The following AAGAB variants were observed in gnomAD, a reference collection of about 807,000 sequenced individuals.
AAGAB encodes alpha- and gamma-adaptin-binding protein p34.
Under a neutral mutation model 44.1 loss-of-function variants are expected in AAGAB, and 38 were observed. That is an observed-to-expected ratio of 0.86 (90% CI 0.67 to 1.13). AAGAB has a LOEUF of 1.13. Ranked by LOEUF, AAGAB falls within the 50% of genes most tolerant of loss-of-function variation. AAGAB has a pLI of 0.00. For synonymous variants in AAGAB, 131 were observed against 131.8 expected, an observed-to-expected ratio of 0.99 and a Z score of 0.04; for missense variants, 450 against 373.8, an observed-to-expected ratio of 1.20 and a Z score of -1.68.
intron 5 of AAGAB, among the ~76,000 whole-genome samples, chr15:67,230,793 G>A (rs981010067): frequency 5.9e-5 from 9 of 152,024 alleles, no homozygotes; most frequent in Admixed American, 1.3e-4. Flanking sequence ...ATTACCCCGG[G>A]CCCCAGCACC....
In AAGAB at chr15:67,201,694, T is replaced by C. The variant is rs1963573491; in HGVS notation, c.*1127A>G. 6.6e-6 allele frequency: 1 copy of C among 152,360 alleles called. No homozygotes were observed. Among genetic ancestry groups the C allele is most frequent in the Non-Finnish European group, 1.5e-5 (1 of 68,042 alleles). 9.4% of individuals were successfully genotyped at this position (152,360 alleles called of 1,614,324 possible). A position where few individuals can be genotyped will look rare whatever the true frequency, so the allele number is the denominator to read the frequency against. On this transcript the variant is annotated 3_prime_UTR_variant, in exon 10 of 10. Coordinates refer to ENST00000261880, the MANE Select transcript of AAGAB (RefSeq NM_024666.5). The stretch of plus-strand genomic sequence containing the variant: ...GTCTACAAAAACAAATAAGGATTTT[T>C]ATTTGCAGTACTTTCCACTCTTCCT...
chr15:67,212,943 A>C (rs543374506), intron 5 of AAGAB, among the ~76,000 whole-genome samples: 1 of 152,310 alleles, frequency 6.6e-6, no homozygotes, highest in East Asian at 1.9e-4. Flanking sequence ...ATCCCTATTA[A>C]GAAGGATTTA....
At chr15:67,249,518 T>A (rs1398918152) in intron 1 of AAGAB, among the ~76,000 whole-genome samples, 5 of 152,258 alleles carry the variant, frequency 3.3e-5, no homozygotes, top group African/African-American at 4.8e-5. Flanking sequence ...TGCTCTTTTT[T>A]AATATGTATT....
rs371443433 is a variant in AAGAB, at chr15:67,208,522, T to C, written c.715+40A>G. On this transcript the variant is annotated intron_variant, in intron 7 of 9. Coordinates refer to ENST00000261880, the MANE Select transcript of AAGAB (RefSeq NM_024666.5). ...TTCTGCCCAGATACCTATTCCAAGT[T>C]GCACAAAGCTCTCTCTTGGCAGCCA... is the stretch of plus-strand genomic sequence containing the variant. 5.7e-6 allele frequency: 9 copies of C among 1,567,088 alleles called. No individual in the cohort carries two copies. In the African/African-American group the frequency reaches 1.1e-4, roughly 19 times the overall value.
Position 67,236,745 on chromosome 15 carries a change from T to A in AAGAB, c.149A>T (p.Asp50Val). The A allele has an allele frequency of 6.2e-7, 1 of 1,613,570 alleles. No homozygotes were observed. Among genetic ancestry groups the A allele is most frequent in the Middle Eastern group, 1.7e-4 (1 of 6,060 alleles). ...GATGTCTGCTGAATAGTATTTATTA[T>A]CAATGGTCCAGGGATAAAATCTCAC... ...DAVRFYPWTI[D>V]NKYYSADINL... Residue 50 changes from aspartate (D) to valine (V), a missense_variant, in exon 2 of 10, where the codon GAT (aspartate) becomes GTT (valine). Transcript: ENST00000261880.
Position 67,229,552 on chromosome 15 carries a change from A to C in AAGAB, c.535+2262T>G, listed in dbSNP as rs1480169210. On this transcript the variant is annotated intron_variant, in intron 5 of 9. Transcript: ENST00000261880. ...TAGAATCTAGCACCCTTGCAATTCA[A>C]TTTAACAGACACAATAAGATTCCTC... is the stretch of plus-strand genomic sequence containing the variant. 2.6e-5 allele frequency among the ~76,000 whole-genome samples: 4 copies of C among 152,116 alleles called. No homozygotes were observed. In the East Asian group the frequency reaches 7.7e-4, roughly 29 times the overall value.
rs537801549 is a variant in AAGAB, at chr15:67,224,285, T to G, written c.535+7529A>C. Among the ~76,000 whole-genome samples the G allele has an allele frequency of 7.9e-5, 12 of 152,344 alleles. No individual in the cohort carries two copies. In the South Asian group the frequency reaches 2.5e-3, roughly 32 times the overall value. On this transcript the variant is annotated intron_variant, in intron 5 of 9. Transcript: ENST00000261880. Reference sequence around the variant, plus strand: ...TGAAACCGGAGCCTAAATTATGGACTAGAGAGATCTGAGGCCAGCAGAAGA... The same window carrying G: ...TGAAACCGGAGCCTAAATTATGGACGAGAGAGATCTGAGGCCAGCAGAAGA...
chr15:67,242,112 G>A lies in AAGAB; in HGVS notation c.74-5292C>T, dbSNP rs149754900. Among the ~76,000 whole-genome samples, 120 of 152,244 alleles carry A rather than the reference G, an allele frequency of 7.9e-4. 1 individual carries two copies. The highest frequency in any genetic ancestry group is 3.4e-3 in the Middle Eastern group (1 of 294). ...CTAGAGTTTTCATTAACCAGCAAGC[G>A]AAAAGACAGACTTTTAAAAATCATA... On this transcript the variant is annotated intron_variant, in intron 1 of 9. Transcript: ENST00000261880.
intron 1 of AAGAB, 87 bp downstream of exon 1, chr15:67,254,472 C>A: frequency 4.0e-6 from 6 of 1,486,144 alleles, no homozygotes; most frequent in Non-Finnish European, 5.4e-6. Flanking sequence ...GCTGCGGGGA[C>A]AAGGCCCAGA....
At chr15:67,232,044 G>A (rs376314046) in intron 4 of AAGAB, 147 bp from the exon 5 acceptor site, 43 of 558,524 alleles carry the variant, frequency 7.7e-5, no homozygotes, top group East Asian at 5.8e-4. Flanking sequence ...ACCTGAGGTC[G>A]GGAGTTCAAG....
chr15:67,255,028 G>A, upstream of AAGAB: 1 of 1,388,882 alleles, frequency 7.2e-7, no homozygotes, highest in Non-Finnish European at 1.0e-6. Flanking sequence ...ATTCACCGAC[G>A]CTCACCCATT....
At chr15:67,231,033 C>T (rs1964321955) in intron 5 of AAGAB, among the ~76,000 whole-genome samples, 1 of 152,074 alleles carries the variant, frequency 6.6e-6, no homozygotes, top group East Asian at 1.9e-4. Context: ...TCTTAGTGAC[C>T]CTAGAATACA....
At chr15:67,204,229 C>A in intron 7 of AAGAB, 81 bp from the exon 8 acceptor site, 1 of 969,670 alleles carries the variant, frequency 1.0e-6, no homozygotes, top group Non-Finnish European at 1.6e-6. Flanking sequence ...CAAATGCTAA[C>A]CTTGATGAAG....
chr15:67,213,664 C>T (rs1163001145), intron 5 of AAGAB, among the ~76,000 whole-genome samples: 1 of 152,114 alleles, frequency 6.6e-6, no homozygotes, highest in African/African-American at 2.4e-5. Flanking sequence ...CCTACTTCTA[C>T]TATTTACTGT....
At chr15:67,205,355 T>C (rs886714125) in intron 7 of AAGAB, among the ~76,000 whole-genome samples, 2 of 152,228 alleles carry the variant, frequency 1.3e-5, no homozygotes, top group African/African-American at 4.8e-5. Context: ...ACATGTCATG[T>C]AGGAAGTTGG....
chr15:67,202,397 G>A lies in AAGAB; in HGVS notation c.*424C>T, dbSNP rs1328831469. On this transcript the variant is annotated 3_prime_UTR_variant, in exon 10 of 10. Transcript: ENST00000261880. Reference sequence around the variant, plus strand: ...CATAGCTCAGAGCTACAAGCTCCTTGAATGGAGAAAACCCAAATCACCCAG... The same window carrying A: ...CATAGCTCAGAGCTACAAGCTCCTTAAATGGAGAAAACCCAAATCACCCAG... The A allele has an allele frequency of 6.1e-6, 1 of 163,488 alleles. No homozygotes were observed. Among genetic ancestry groups the A allele is most frequent in the African/African-American group, 2.4e-5 (1 of 41,666 alleles). The allele number at this position is 163,488 out of a possible 1,614,324, so 10.1% of individuals were successfully genotyped here.
intron 5 of AAGAB, among the ~76,000 whole-genome samples, chr15:67,213,098 G>A (rs1663975548): frequency 6.6e-6 from 1 of 152,314 alleles, no homozygotes; most frequent in Admixed American, 6.5e-5. Flanking sequence ...AGGGGCAGCT[G>A]TTAAGTGATG....
In AAGAB at chr15:67,208,595, T is replaced by C. The variant is rs36096355; in HGVS notation, c.682A>G (p.Asn228Asp). The change falls in exon 7 of 10, where the codon AAC becomes GAC. Residue 228 changes from asparagine (N) to aspartate (D), a missense_variant. Coordinates refer to ENST00000261880, the MANE Select transcript of AAGAB (RefSeq NM_024666.5). The part of the protein sequence containing the change: ...SLSDHRGGAS[N>D]TTDAQVDSIV... ...CTATCAACCTGGGCATCTGTTGTGT[T>C]AGATGCACCACCCCGATGATCAGAG... 1.2e-3 allele frequency: 1,912 copies of C among 1,614,174 alleles called. 21 individuals carry two copies. The African/African-American group carries it at 0.021, about 17-fold the overall frequency.
At chr15:67,240,482 T>C (rs1964570753) in intron 1 of AAGAB, among the ~76,000 whole-genome samples, 1 of 152,208 alleles carries the variant, frequency 6.6e-6, no homozygotes, top group Admixed American at 6.5e-5. Flanking sequence ...AGACAAACAC[T>C]AGGTGTTTAC....
Sources: allele counts gnomAD v4.1 joint callset (sites outside exome capture counted in the v4.1 genomes callset), GRCh38; gene constraint gnomAD v4.1.1; transcripts MANE v1.5; gene names NCBI Gene and HGNC (gene_info 2026-07-23, HGNC 2026-07-21).